Variants in LIPI observed in about 807,000 individuals in gnomAD.
LIPI encodes lipase member I.
A neutral mutation model predicts 50.6 loss-of-function variants in LIPI; 59 were observed. That is an observed-to-expected ratio of 1.16 (90% CI 0.94 to 1.45). The LOEUF is 1.45. Ranked by LOEUF, LIPI falls within the 40% of genes most tolerant of loss-of-function variation. The pLI, the probability that LIPI is intolerant of heterozygous loss-of-function variation, is 0.00. For synonymous variants in LIPI, 203 were observed against 178.2 expected, an observed-to-expected ratio of 1.14 and a Z score of -1.11; for missense variants, 586 against 536.3, an observed-to-expected ratio of 1.09 and a Z score of -0.92.
In LIPI at chr21:14,197,225, C is replaced by A. The variant is rs1015335134; in HGVS notation, c.47-7806G>T. Among the ~76,000 whole-genome samples the A allele has an allele frequency of 1.1e-4, 17 of 151,458 alleles. No homozygotes were observed. In the East Asian group the frequency reaches 3.3e-3, roughly 29 times the overall value. Reference sequence around the variant, plus strand: ...TAACAGAATGCTTTTTTATTTTATGCCAATTGGAATCATCATACTAATGAT... The same window carrying A: ...TAACAGAATGCTTTTTTATTTTATGACAATTGGAATCATCATACTAATGAT... On this transcript the variant is annotated intron_variant, in intron 1 of 9. Coordinates refer to ENST00000681601, the MANE Select transcript of LIPI (RefSeq NM_001302998.2).
chr21:14,210,544 T>TA (rs1407827731), intron 1 of LIPI, among the ~76,000 whole-genome samples: 1 of 151,940 alleles, frequency 6.6e-6, no homozygotes, highest in Non-Finnish European at 1.5e-5. Context: ...CATCTTTTTT[T>TA]AAAAAAAGGT....
intron 9 of LIPI, among the ~76,000 whole-genome samples, chr21:14,137,240 A>G (rs1309505141): frequency 6.6e-6 from 1 of 152,214 alleles, no homozygotes; most frequent in East Asian, 1.9e-4. Context: ...GGAACTAAAT[A>G]AGGCACCAGT....
intron 4 of LIPI, among the ~76,000 whole-genome samples, chr21:14,171,027 CA>C (rs1274370611): frequency 6.6e-6 from 1 of 150,524 alleles, no homozygotes; most frequent in Non-Finnish European, 1.5e-5. Context: ...TCTCAGGATA[CA>C]AAATCAATGT....
At chr21:14,135,538 G>A (rs1011017786) in intron 9 of LIPI, among the ~76,000 whole-genome samples, 2 of 152,108 alleles carry the variant, frequency 1.3e-5, no homozygotes, top group Non-Finnish European at 2.9e-5. Flanking sequence ...TGAATTCTGT[G>A]CTGTTCTGTT....
intron 9 of LIPI, among the ~76,000 whole-genome samples, chr21:14,116,100 G>A (rs919572654): frequency 4.6e-5 from 7 of 152,208 alleles, no homozygotes; most frequent in African/African-American, 1.4e-4. Context: ...TAGGAGTGGT[G>A]TGTGTATGTG....
chr21:14,151,073 T>A (rs2018072719), intron 8 of LIPI, among the ~76,000 whole-genome samples: 1 of 152,180 alleles, frequency 6.6e-6, no homozygotes, highest in African/African-American at 2.4e-5. Context: ...AATCATGGCA[T>A]CCCTTGATGG....
intron 9 of LIPI, among the ~76,000 whole-genome samples, chr21:14,113,091 C>T (rs1374390687): frequency 2.0e-5 from 3 of 152,104 alleles, no homozygotes; most frequent in Non-Finnish European, 2.9e-5. Flanking sequence ...AAGGTTTAAC[C>T]CCAGTAACAT....
chr21:14,161,686 T>A (rs1479752442), intron 7 of LIPI, among the ~76,000 whole-genome samples: 1 of 104,766 alleles, frequency 9.5e-6, no homozygotes, highest in African/African-American at 4.0e-5. Flanking sequence ...TTATTATATA[T>A]TAATGTATAA....
intron 7 of LIPI, among the ~76,000 whole-genome samples, chr21:14,160,546 G>GA (rs1418641088): frequency 1.3e-5 from 2 of 151,138 alleles, no homozygotes; most frequent in Non-Finnish European, 3.0e-5. Context: ...ATTATTTTTA[G>GA]AAAAAATTAC....
intron 9 of LIPI, among the ~76,000 whole-genome samples, chr21:14,129,240 T>G (rs2017188222): frequency 6.6e-6 from 1 of 152,026 alleles, no homozygotes; most frequent in South Asian, 2.1e-4. Context: ...CACCTAATAT[T>G]AACTAAACAC....
At chr21:14,172,187 G>T (rs1216455404) in intron 4 of LIPI, among the ~76,000 whole-genome samples, 2 of 150,702 alleles carry the variant, frequency 1.3e-5, no homozygotes, top group Admixed American at 1.3e-4. Flanking sequence ...ACACCAGTTA[G>T]AATGGCAATC....
At chr21:14,163,566 A>G (rs2018570933) in intron 6 of LIPI, 43 bp from the exon 7 acceptor site, 1 of 914,548 alleles carries the variant, frequency 1.1e-6, no homozygotes. Context: ...GATTTCCATC[A>G]AATAACAAAA....
chr21:14,143,089 T>A (rs1465025417), intron 9 of LIPI, among the ~76,000 whole-genome samples: 2 of 152,030 alleles, frequency 1.3e-5, no homozygotes, highest in African/African-American at 4.8e-5. Flanking sequence ...GATAATGGAA[T>A]CCCCAAATAC....
At chr21:14,193,892 GGATT>G in intron 1 of LIPI, among the ~76,000 whole-genome samples, 1 of 151,958 alleles carries the variant, frequency 6.6e-6, no homozygotes, top group Non-Finnish European at 1.5e-5. Flanking sequence ...TATCTGATAT[GGATT>G]AATTAATTAA....
intron 7 of LIPI, among the ~76,000 whole-genome samples, chr21:14,153,857 C>T (rs570514196): frequency 1.6e-4 from 24 of 152,128 alleles, no homozygotes; most frequent in South Asian, 2.1e-4. Flanking sequence ...CTGGGTCTTA[C>T]GTGAAAACAT....
intron 9 of LIPI, among the ~76,000 whole-genome samples, chr21:14,119,122 C>G (rs1311948640): frequency 6.6e-6 from 1 of 152,178 alleles, no homozygotes; most frequent in Non-Finnish European, 1.5e-5. Flanking sequence ...ACATTTTTGC[C>G]TTTGATTGGG....
intron 4 of LIPI, among the ~76,000 whole-genome samples, chr21:14,176,006 G>A (rs1200315320): frequency 2.6e-5 from 4 of 151,866 alleles, no homozygotes; most frequent in Non-Finnish European, 4.4e-5. Context: ...GTGAAACCCC[G>A]TCTCTACTAA....
At chr21:14,110,337 CA>C (rs1348786328) in intron 9 of LIPI, among the ~76,000 whole-genome samples, 3 of 137,136 alleles carry the variant, frequency 2.2e-5, no homozygotes, top group African/African-American at 2.8e-5. Flanking sequence ...AATTTGACTT[CA>C]TTTTTTTATT....
intron 9 of LIPI, among the ~76,000 whole-genome samples, chr21:14,140,577 T>G (rs185235668): frequency 9.5e-4 from 144 of 152,046 alleles, no homozygotes; most frequent in Admixed American, 2.2e-3. Flanking sequence ...TATAAACATT[T>G]GCCTAGATTT....
Sources: gnomAD v4.1 joint callset for allele counts (sites outside exome capture counted in the v4.1 genomes callset) on GRCh38, gnomAD v4.1.1 for gene constraint, MANE v1.5 for transcripts, NCBI Gene and HGNC (gene_info 2026-07-23, HGNC 2026-07-21) for gene names.